Variants in CFAP58 observed in about 807,000 individuals in gnomAD.
The protein encoded by CFAP58 is cilia- and flagella-associated protein 58.
CFAP58 carries 88 observed loss-of-function variants against 119.5 expected under a neutral mutation model. The ratio of observed to expected loss-of-function variants is 0.74; its 90% CI spans 0.62 to 0.88. The LOEUF (loss-of-function observed/expected upper bound fraction) is 0.88. Among genes scored for constraint, CFAP58 ranks in the 40% least tolerant of loss-of-function variants. CFAP58 has a pLI of 0.00. For synonymous variants in CFAP58, 365 were observed against 366.3 expected, an observed-to-expected ratio of 1.00 and a Z score of 0.04; for missense variants, 990 against 1,021.2, an observed-to-expected ratio of 0.97 and a Z score of 0.42.
intron 15 of CFAP58, among the ~76,000 whole-genome samples, chr10:104,413,971 C>T (rs2133058957): frequency 6.6e-6 from 1 of 152,266 alleles, no homozygotes; most frequent in East Asian, 1.9e-4. Context: ...TGCACTTAAC[C>T]TCATGGCCAG....
chr10:104,358,630 ATCT>A lies in CFAP58; in HGVS notation c.291+12_291+14del. 1 of 1,602,934 alleles carries A rather than the reference ATCT, an allele frequency of 6.2e-7. No individual in the cohort carries two copies. The highest frequency in any genetic ancestry group is 8.5e-7 in the Non-Finnish European group (1 of 1,172,634). The stretch of plus-strand genomic sequence containing the variant: ...ATTGCATCCCTAAAGAAGGTCAGTG[ATCT>A]TCTAGAAATGGAATGAACCTGAATT... On this transcript the variant is annotated intron_variant, in intron 2 of 17. Transcript: ENST00000369704.
intron 8 of CFAP58, 133 bp from the exon 9 acceptor site, chr10:104,379,896 A>G: frequency 3.6e-6 from 3 of 822,724 alleles, no homozygotes; most frequent in Non-Finnish European, 5.9e-6. Flanking sequence ...AATAAGCTGT[A>G]GAGAATATGA....
At chr10:104,402,645 AAGATTTT>A (rs1290852392) in intron 13 of CFAP58, among the ~76,000 whole-genome samples, 1 of 152,178 alleles carries the variant, frequency 6.6e-6, no homozygotes, top group African/African-American at 2.4e-5. Flanking sequence ...CAGATTTCTG[AAGATTTT>A]AGCGGTGTGT....
Position 104,454,504 on chromosome 10 carries a change from C to T in CFAP58, c.2593C>T (p.Leu865Phe). The change falls in exon 18 of 18, where the codon CTC (leucine) becomes TTC (phenylalanine). Residue 865 changes from leucine to phenylalanine, a missense_variant. Physicochemically the swap from Leu to Phe is conservative, Grantham distance 22. Transcript: ENST00000369704. ...TGGTTTTACTGGGGGCGGATTTCCT[C>T]TCAGGTCAACCAAAATGACGTTCTA... The part of the protein sequence containing the change: ...GPGFTGGGFP[L>F]RSTKMTF The T allele has an allele frequency of 6.2e-7, 1 of 1,613,762 alleles. No homozygotes were observed. Among genetic ancestry groups the T allele is most frequent in the Non-Finnish European group, 8.5e-7 (1 of 1,179,742 alleles).
At chr10:104,356,446 G>A (rs539254174) in intron 1 of CFAP58, among the ~76,000 whole-genome samples, 98 of 152,184 alleles carry the variant, frequency 6.4e-4, no homozygotes, top group Non-Finnish European at 1.2e-3. Context: ...GCAAGAGAGT[G>A]TTGATGCCAA....
At chr10:104,449,243 GAAGA>G (rs1301347643) in intron 16 of CFAP58, among the ~76,000 whole-genome samples, 1 of 151,056 alleles carries the variant, frequency 6.6e-6, no homozygotes, top group South Asian at 2.1e-4. Flanking sequence ...CAGCAGTGAA[GAAGA>G]AAGAGTTCAG....
intron 15 of CFAP58, among the ~76,000 whole-genome samples, chr10:104,438,348 GTTTTTTT>G (rs759400382): frequency 1.1e-4 from 4 of 36,740 alleles, no homozygotes; most frequent in Non-Finnish European, 2.1e-4. Context: ...TTTGTTTTTT[GTTTTTTT>G]TTTTTGTTTT....
In CFAP58 at chr10:104,365,963, CA is replaced by C; in HGVS notation, c.749del (p.Lys250ArgfsTer11). ...KALQQYVQKS[K>X]EELQKLEQQL... ...CCCTGCAGCAGTATGTGCAGAAGAG[CA>C]AGGAGGAGCTTCAGAAGCTGGAGCA... is the stretch of plus-strand genomic sequence containing the variant. On this transcript the variant is annotated frameshift_variant, in exon 5 of 18. Transcript: ENST00000369704. LOFTEE classifies it high-confidence loss of function. 1 of 1,607,632 alleles carries C rather than the reference CA, an allele frequency of 6.2e-7. No individual in the cohort carries two copies. The highest frequency in any genetic ancestry group is 8.5e-7 in the Non-Finnish European group (1 of 1,176,844).
chr10:104,419,030 T>C (rs977591574), intron 15 of CFAP58, among the ~76,000 whole-genome samples: 1 of 152,118 alleles, frequency 6.6e-6, no homozygotes, highest in Non-Finnish European at 1.5e-5. Flanking sequence ...TTGAAGGACA[T>C]TTAAAGTGCT....
At chr10:104,442,182 A>T (rs556384534) in intron 15 of CFAP58, among the ~76,000 whole-genome samples, 101 of 152,164 alleles carry the variant, frequency 6.6e-4, no homozygotes, top group Non-Finnish European at 1.1e-3. Flanking sequence ...GCAAAAATGT[A>T]TTGCCTTTTT....
chr10:104,354,002 C>A, intron 1 of CFAP58, 96 bp downstream of exon 1: 1 of 1,465,920 alleles, frequency 6.8e-7, no homozygotes, highest in Non-Finnish European at 9.5e-7. Flanking sequence ...TCCAATATTT[C>A]CCCCCATCAA....
intron 7 of CFAP58, among the ~76,000 whole-genome samples, chr10:104,375,754 A>T (rs1034324214): frequency 6.6e-6 from 1 of 150,700 alleles, no homozygotes; most frequent in African/African-American, 2.4e-5. Context: ...TTTGGTTCAG[A>T]AAAGCAGGAC....
intron 14 of CFAP58, 76 bp from the exon 15 acceptor site, chr10:104,406,613 T>C (rs749086537): frequency 8.0e-6 from 9 of 1,126,632 alleles, no homozygotes; most frequent in Non-Finnish European, 1.2e-5. Context: ...AATAAGACAA[T>C]GTGCATTTTA....
intron 15 of CFAP58, among the ~76,000 whole-genome samples, chr10:104,409,716 C>T (rs764952753): frequency 2.6e-5 from 4 of 152,106 alleles, no homozygotes; most frequent in African/African-American, 4.8e-5. Flanking sequence ...TAAGAACTCT[C>T]GTAATAATAT....
In CFAP58 at chr10:104,384,531, C is replaced by G. The variant is rs566568957; in HGVS notation, c.1365+4311C>G. ...GAAAGAGAATGGCTTCTAGAAGCCC[C>G]ACGGTAAAGGTCTGGCTCTGAAAAT... On this transcript the variant is annotated intron_variant, in intron 9 of 17. Transcript: ENST00000369704. Among the ~76,000 whole-genome samples the G allele has an allele frequency of 1.9e-3, 283 of 152,280 alleles. 1 individual carries two copies. Among genetic ancestry groups the G allele is most frequent in the Middle Eastern group, 3.4e-3 (1 of 294 alleles).
chr10:104,347,089 G>C, the CFAP58 span, among the ~76,000 whole-genome samples: 1 of 152,174 alleles, frequency 6.6e-6, no homozygotes, highest in South Asian at 2.1e-4. Context: ...AGTAATCTGT[G>C]TGGGAGAAGA....
intron 15 of CFAP58, among the ~76,000 whole-genome samples, chr10:104,413,421 T>C (rs1310568099): frequency 6.6e-6 from 1 of 152,184 alleles, no homozygotes; most frequent in South Asian, 2.1e-4. Context: ...AGTGGTAAGA[T>C]GGAGAAGTCT....
intron 15 of CFAP58, among the ~76,000 whole-genome samples, chr10:104,441,803 A>G (rs949113758): frequency 6.6e-6 from 1 of 152,184 alleles, no homozygotes; most frequent in Non-Finnish European, 1.5e-5. Flanking sequence ...TTCATCACCA[A>G]ATGCCAGCAT....
intron 15 of CFAP58, among the ~76,000 whole-genome samples, chr10:104,432,714 G>GAA (rs1283010054): frequency 6.6e-6 from 1 of 152,174 alleles, no homozygotes; most frequent in Non-Finnish European, 1.5e-5. Context: ...TGTTGGCCAG[G>GAA]ATGGTCTCTA....
Sources: allele counts gnomAD v4.1 joint callset (sites outside exome capture counted in the v4.1 genomes callset), GRCh38; gene constraint gnomAD v4.1.1; transcripts MANE v1.5; gene names NCBI Gene and HGNC (gene_info 2026-07-23, HGNC 2026-07-21).